Variants in SIPA1L3 observed in about 807,000 individuals in gnomAD.
The protein encoded by SIPA1L3 is signal-induced proliferation-associated 1-like protein 3.
SIPA1L3 carries 59 observed loss-of-function variants against 150.1 expected under a neutral mutation model. The ratio of observed to expected loss-of-function variants is 0.39; its 90% confidence interval spans 0.32 to 0.49. SIPA1L3 has a LOEUF of 0.49. Among genes scored for constraint, SIPA1L3 ranks in the 20% least tolerant of loss-of-function variants. The pLI is 0.86. For synonymous variants in SIPA1L3, 1,070 were observed against 1,077.6 expected (o/e 0.99, Z 0.14); for missense variants, 2,211 against 2,489.5 (o/e 0.89, Z 2.38).
At chr19:37,971,005 G>A (rs924801359) in intron 1 of SIPA1L3, among the ~76,000 whole-genome samples, 2 of 152,094 alleles carry the variant, frequency 1.3e-5, no homozygotes, top group African/African-American at 4.8e-5. Context: ...GTGGTGGGGA[G>A]GATGTAAGAG....
chr19:38,053,604 T>G (rs1282669243), intron 2 of SIPA1L3, among the ~76,000 whole-genome samples: 1 of 152,062 alleles, frequency 6.6e-6, no homozygotes, highest in Non-Finnish European at 1.5e-5. Flanking sequence ...TCACCCAGGC[T>G]GGAGTGTAGT....
At chr19:38,025,468 G>A (rs1968487931) in intron 1 of SIPA1L3, among the ~76,000 whole-genome samples, 2 of 152,190 alleles carry the variant, frequency 1.3e-5, no homozygotes, top group African/African-American at 4.8e-5. Flanking sequence ...CGGCCCTTTG[G>A]CATCTTCCTC....
chr19:37,960,296 G>A (rs1356759711), intron 1 of SIPA1L3, among the ~76,000 whole-genome samples: 2 of 152,174 alleles, frequency 1.3e-5, no homozygotes, highest in Non-Finnish European at 2.9e-5. Flanking sequence ...CTGTAGCACA[G>A]GCTGGAGTGC....
chr19:37,969,848 C>A (rs1393246862), intron 1 of SIPA1L3, among the ~76,000 whole-genome samples: 2 of 152,128 alleles, frequency 1.3e-5, no homozygotes, highest in African/African-American at 2.4e-5. Context: ...GTAAACTAGG[C>A]CGCTTGTTAT....
At chr19:38,102,692 C>T (rs997998065) in intron 6 of SIPA1L3, among the ~76,000 whole-genome samples, 61 of 151,844 alleles carry the variant, frequency 4.0e-4, no homozygotes, top group Admixed American at 2.2e-3. Flanking sequence ...CAGAGCCAAG[C>T]GTGGTGGCTC....
At chr19:38,103,850 C>T (rs867230686) in intron 6 of SIPA1L3, among the ~76,000 whole-genome samples, 3 of 137,984 alleles carry the variant, frequency 2.2e-5, no homozygotes, top group Admixed American at 8.0e-5. Context: ...TGCAATGAGC[C>T]GAGATCGCAC....
intron 15 of SIPA1L3, among the ~76,000 whole-genome samples, chr19:38,171,345 G>C (rs1410510042): frequency 6.7e-6 from 1 of 149,096 alleles, no homozygotes; most frequent in Non-Finnish European, 1.5e-5. Context: ...TTTGAGACCA[G>C]CCTGGGCAAC....
intron 9 of SIPA1L3, among the ~76,000 whole-genome samples, chr19:38,129,087 G>A (rs1366952581): frequency 6.6e-6 from 1 of 152,130 alleles, no homozygotes. Flanking sequence ...TTGCTTAATA[G>A]CCATGGCTGG....
At chr19:37,952,860 T>C (rs752883075) in intron 1 of SIPA1L3, among the ~76,000 whole-genome samples, 4 of 152,152 alleles carry the variant, frequency 2.6e-5, no homozygotes, top group Non-Finnish European at 5.9e-5. Context: ...AGATTCTGGT[T>C]TGGGGCCTGA....
At chr19:38,118,373 C>A (rs982494641) in intron 8 of SIPA1L3, among the ~76,000 whole-genome samples, 1 of 147,118 alleles carries the variant, frequency 6.8e-6, no homozygotes, top group African/African-American at 2.5e-5. Context: ...TGCTGTGAGC[C>A]GAGATTGCGC....
intron 15 of SIPA1L3, among the ~76,000 whole-genome samples, chr19:38,180,431 G>T (rs1473371563): frequency 2.6e-5 from 4 of 151,886 alleles, no homozygotes; most frequent in Non-Finnish European, 4.4e-5. Flanking sequence ...CAAAGTGCTG[G>T]GATTATAGGC....
chr19:38,063,794 C>T (rs554184588), intron 2 of SIPA1L3, among the ~76,000 whole-genome samples: 6 of 152,274 alleles, frequency 3.9e-5, no homozygotes, highest in East Asian at 1.9e-4. Flanking sequence ...ACACTCAGCC[C>T]GTTTAGGGCA....
intron 1 of SIPA1L3, among the ~76,000 whole-genome samples, chr19:37,942,123 A>G (rs889411812): frequency 6.6e-6 from 1 of 152,166 alleles, no homozygotes; most frequent in African/African-American, 2.4e-5. Context: ...TCATTCAGCA[A>G]ATATTTACTG....
intron 16 of SIPA1L3, chr19:38,185,648 TC>T (rs1348288366): frequency 6.6e-6 from 1 of 152,076 alleles, no homozygotes; most frequent in African/African-American, 2.4e-5. Flanking sequence ...GTTCCTGGCC[TC>T]CCTCTTAGCA....
chr19:38,084,100 G>A (rs757282162), intron 3 of SIPA1L3, among the ~76,000 whole-genome samples: 15 of 150,388 alleles, frequency 1.0e-4, no homozygotes, highest in Non-Finnish European at 1.8e-4. Flanking sequence ...CAGCAGCCCA[G>A]GGCTGGTATG....
intron 2 of SIPA1L3, among the ~76,000 whole-genome samples, chr19:38,066,457 G>C (rs1478928227): frequency 6.6e-6 from 1 of 152,186 alleles, no homozygotes. Flanking sequence ...TCAAAGCATC[G>C]TGTACCTTTC....
In SIPA1L3 at chr19:38,193,851, G is replaced by A. The variant is rs1368008394; in HGVS notation, c.4840+71G>A. On this transcript the variant is annotated intron_variant, in intron 18 of 21. Transcript: ENST00000222345. ...TGGGAGGTGGGGATGCCCGAGCAGG[G>A]GCTCACCTGGAGGTCAAAGGCTAGA... The A allele has an allele frequency of 2.8e-6, 4 of 1,439,862 alleles. No individual in the cohort carries two copies. In the African/African-American group the frequency reaches 4.4e-5, roughly 16 times the overall value. 89.2% of individuals were successfully genotyped at this position (1,439,862 alleles called of 1,614,324 possible).
chr19:37,979,199 G>A (rs937634616), intron 1 of SIPA1L3, among the ~76,000 whole-genome samples: 2 of 151,898 alleles, frequency 1.3e-5, no homozygotes. Context: ...TGGGTTTTAC[G>A]TTTTTAAAAG....
chr19:38,176,906 G>A (rs1244975862), intron 15 of SIPA1L3, among the ~76,000 whole-genome samples: 1 of 151,918 alleles, frequency 6.6e-6, no homozygotes, highest in Non-Finnish European at 1.5e-5. Flanking sequence ...GGGAGGCGGA[G>A]GTTGCAGTGA....
Sources: allele counts gnomAD v4.1 joint callset (sites outside exome capture counted in the v4.1 genomes callset), GRCh38; gene constraint gnomAD v4.1.1; transcripts MANE v1.5; gene names NCBI Gene and HGNC (gene_info 2026-07-23, HGNC 2026-07-21).